The following EXPH5 variants were observed in gnomAD, a reference collection of about 807,000 sequenced individuals.
EXPH5 encodes the protein exophilin-5.
Under a neutral mutation model 41.1 loss-of-function variants are expected in EXPH5, and 42 were observed. The observed-to-expected ratio is 1.02, with a 90% CI of 0.80 to 1.32. EXPH5 has a LOEUF of 1.32. Ranked by LOEUF, EXPH5 falls within the 40% of genes most tolerant of loss-of-function variation. The pLI is 0.00. For missense variants in EXPH5, 2,298 were observed against 2,314.5 expected, an observed-to-expected ratio of 0.99 and a Z score of 0.15; for synonymous variants, 798 against 833.5, an observed-to-expected ratio of 0.96 and a Z score of 0.73.
At chr11:108,522,923 C>A (rs1003108039) in intron 4 of EXPH5, among the ~76,000 whole-genome samples, 1 of 152,024 alleles carries the variant, frequency 6.6e-6, no homozygotes, top group Non-Finnish European at 1.5e-5. Context: ...TGCTCCATCA[C>A]CCAGGCTGGA....
chr11:108,573,127 G>GGAAA (rs1555198946), intron 1 of EXPH5, among the ~76,000 whole-genome samples: 2 of 92,942 alleles, frequency 2.2e-5, no homozygotes, highest in African/African-American at 8.3e-5. Context: ...AAGAAAAGAA[G>GGAAA]GAAGGAAAGA....
chr11:108,590,577 A>G (rs1207368547), intron 1 of EXPH5, among the ~76,000 whole-genome samples: 1 of 152,114 alleles, frequency 6.6e-6, no homozygotes, highest in African/African-American at 2.4e-5. Flanking sequence ...GATGAACTCA[A>G]CTACCCTCAC....
intron 1 of EXPH5, among the ~76,000 whole-genome samples, chr11:108,571,941 G>GGA (rs2094061651): frequency 6.6e-6 from 1 of 151,920 alleles, no homozygotes; most frequent in Non-Finnish European, 1.5e-5. Context: ...CCAGCTACTC[G>GGA]GAGAGGCTGA....
chr11:108,560,105 T>C (rs981097258), intron 1 of EXPH5, among the ~76,000 whole-genome samples: 1 of 152,192 alleles, frequency 6.6e-6, no homozygotes, highest in Non-Finnish European at 1.5e-5. Context: ...ATCTTTGTGT[T>C]AGGATGCAGA....
Position 108,507,474 on chromosome 11 carries a change from CTCA to C in EXPH5, c.*2060_*2062del, listed in dbSNP as rs1392704668. ...TATAAACCAAGCAAGATAAAATCCACTCATGTTGACTATCATAGTATTGAGATC... is the reference window on the plus strand; with the variant it reads ...TATAAACCAAGCAAGATAAAATCCACTGTTGACTATCATAGTATTGAGATC... On this transcript the variant is annotated 3_prime_UTR_variant, in exon 6 of 6. Transcript: ENST00000265843. 1 of 152,166 alleles carries C rather than the reference CTCA, an allele frequency of 6.6e-6. No individual in the cohort carries two copies. Among genetic ancestry groups the C allele is most frequent in the Non-Finnish European group, 1.5e-5 (1 of 68,032 alleles). The allele number at this position is 152,166 out of a possible 1,614,324, so 9.4% of individuals were successfully genotyped here.
intron 1 of EXPH5, among the ~76,000 whole-genome samples, chr11:108,546,147 G>A (rs1591721238): frequency 6.6e-6 from 1 of 151,902 alleles, no homozygotes; most frequent in South Asian, 2.1e-4. Flanking sequence ...CTGTGTAGCT[G>A]GAGTGTGGAG....
chr11:108,550,774 G>A (rs577321549), intron 1 of EXPH5, among the ~76,000 whole-genome samples: 20 of 151,808 alleles, frequency 1.3e-4, no homozygotes, highest in East Asian at 5.8e-4. Flanking sequence ...GTGAGACTTC[G>A]TCTCAAAAAA....
chr11:108,510,305 G>T lies in EXPH5; in HGVS notation c.5202C>A (p.Pro1734=), dbSNP rs774288841. The T allele has an allele frequency of 6.2e-7, 1 of 1,614,174 alleles. No homozygotes were observed. The highest frequency in any genetic ancestry group is 8.5e-7 in the Non-Finnish European group (1 of 1,180,034). ...NLVRESGAPS[P]ITFTSLREAE... ...CTTCCCTGAGGCTGGTGAATGTGAT[G>T]GGTGATGGGGCTCCTGATTCTCTTA... is the stretch of plus-strand genomic sequence containing the variant. Residue 1734 remains proline, a synonymous_variant, in exon 6 of 6, where the codon CCC becomes CCA. Transcript: ENST00000265843.
intron 1 of EXPH5, among the ~76,000 whole-genome samples, chr11:108,557,369 A>G (rs1044679131): frequency 6.6e-6 from 1 of 152,224 alleles, no homozygotes; most frequent in Non-Finnish European, 1.5e-5. Flanking sequence ...AAATTTCAAA[A>G]GAAGATTAAC....
Position 108,506,854 on chromosome 11 carries a change from G to C in EXPH5, c.*2683C>G, listed in dbSNP as rs1286550529. The C allele has an allele frequency of 6.6e-6, 1 of 152,114 alleles. No individual in the cohort carries two copies. Among genetic ancestry groups the C allele is most frequent in the Non-Finnish European group, 1.5e-5 (1 of 68,050 alleles). The allele number at this position is 152,114 out of a possible 1,614,324, so 9.4% of individuals were successfully genotyped here. The stretch of plus-strand genomic sequence containing the variant: ...AAAAATACAAAAATTAGCTGGGCGT[G>C]GTGGTGGGCACCTGTAATCCCAGCT... On this transcript the variant is annotated 3_prime_UTR_variant, in exon 6 of 6. Coordinates refer to ENST00000265843, the MANE Select transcript of EXPH5 (RefSeq NM_015065.3).
At chr11:108,527,910 A>G (rs2093810507) in intron 4 of EXPH5, among the ~76,000 whole-genome samples, 1 of 152,230 alleles carries the variant, frequency 6.6e-6, no homozygotes, top group Non-Finnish European at 1.5e-5. Flanking sequence ...CTGATGGCAT[A>G]AGTGGAAACA....
intron 4 of EXPH5, among the ~76,000 whole-genome samples, chr11:108,520,153 C>G (rs1000031831): frequency 6.6e-6 from 1 of 152,130 alleles, no homozygotes; most frequent in African/African-American, 2.4e-5. Flanking sequence ...CCAGTCAGAT[C>G]AGCCCTGGGA....
At chr11:108,544,041 G>A (rs2093926303) in intron 1 of EXPH5, among the ~76,000 whole-genome samples, 1 of 152,244 alleles carries the variant, frequency 6.6e-6, no homozygotes, top group African/African-American at 2.4e-5. Flanking sequence ...TTCCCCAAAA[G>A]CAGGCACCAC....
At chr11:108,576,231 T>A (rs889337024) in intron 1 of EXPH5, among the ~76,000 whole-genome samples, 2 of 152,200 alleles carry the variant, frequency 1.3e-5, no homozygotes, top group African/African-American at 4.8e-5. Flanking sequence ...ATACAATAGA[T>A]TATTATTCAG....
At chr11:108,528,111 A>G (rs1591693435) in intron 4 of EXPH5, 25 bp downstream of exon 4, 2 of 1,541,654 alleles carry the variant, frequency 1.3e-6, no homozygotes, top group East Asian at 2.2e-5. Flanking sequence ...TTCTTAGAGT[A>G]ACCTGTAGTT....
chr11:108,516,071 CAA>C (rs35633613), intron 5 of EXPH5, among the ~76,000 whole-genome samples: 11 of 84,918 alleles, frequency 1.3e-4, no homozygotes, highest in African/African-American at 1.9e-4. Context: ...GACTCCGTCT[CAA>C]AAAAAAAAAA....
rs1305633825 is a variant in EXPH5, at chr11:108,507,410, G to C, written c.*2127C>G. On this transcript the variant is annotated 3_prime_UTR_variant, in exon 6 of 6. Transcript: ENST00000265843. ...AGTTTATAATGATGAAACAGACTAG[G>C]TATAAAAAATGGAAAATTAGATTAG... The C allele has an allele frequency of 6.6e-6, 1 of 152,100 alleles. No homozygotes were observed. Among genetic ancestry groups the C allele is most frequent in the African/African-American group, 2.4e-5 (1 of 41,422 alleles). The allele number at this position is 152,100 out of a possible 1,614,324, so 9.4% of individuals were successfully genotyped here. A position where few individuals can be genotyped will look rare whatever the true frequency, so the allele number is the denominator to read the frequency against.
At chr11:108,555,447 A>C (rs1339501056) in intron 1 of EXPH5, among the ~76,000 whole-genome samples, 2 of 152,190 alleles carry the variant, frequency 1.3e-5, no homozygotes, top group African/African-American at 4.8e-5. Context: ...GGAATACATT[A>C]GTGTACAAAA....
Position 108,513,523 on chromosome 11 carries a change from C to CAGGCTT in EXPH5, c.1978_1983dup (p.Lys660_Pro661dup), listed in dbSNP as rs1565778588. On this transcript the variant is annotated inframe_insertion, in exon 6 of 6. Coordinates refer to ENST00000265843, the MANE Select transcript of EXPH5 (RefSeq NM_015065.3). Reference sequence around the variant, plus strand: ...GTATGGCTTCTCATTGGATGAGAGGCAGGCTTATTTGGAAAAATTTTCTGC... The same window carrying CAGGCTT: ...GTATGGCTTCTCATTGGATGAGAGGCAGGCTTAGGCTTATTTGGAAAAATTTTCTGC... 6.2e-7 allele frequency: 1 copy of CAGGCTT among 1,614,158 alleles called. No homozygotes were observed. Among genetic ancestry groups the CAGGCTT allele is most frequent in the Non-Finnish European group, 8.5e-7 (1 of 1,180,024 alleles).
Sources: gnomAD v4.1 joint callset for allele counts (sites outside exome capture counted in the v4.1 genomes callset) on GRCh38, gnomAD v4.1.1 for gene constraint, MANE v1.5 for transcripts, NCBI Gene and HGNC (gene_info 2026-07-23, HGNC 2026-07-21) for gene names.